The following NRXN3 variants were observed in gnomAD, a reference collection of about 807,000 sequenced individuals.
The protein encoded by NRXN3 is neurexin 3.
NRXN3 carries 32 observed loss-of-function variants against 137.6 expected under a neutral mutation model. The ratio of observed to expected loss-of-function variants is 0.23; its 90% CI spans 0.18 to 0.31. The LOEUF is 0.31. Among genes scored for constraint, NRXN3 ranks in the 10% least tolerant of loss-of-function variants. NRXN3 has a pLI of 1.00. For missense variants in NRXN3, 1,574 were observed against 2,062.5 expected, an observed-to-expected ratio of 0.76 and a Z score of 4.59; for synonymous variants, 798 against 784.5, an observed-to-expected ratio of 1.02 and a Z score of -0.29.
chr14:79,379,653 A>G (rs2094408579), intron 15 of NRXN3, among the ~76,000 whole-genome samples: 1 of 152,116 alleles, frequency 6.6e-6, no homozygotes, highest in Admixed American at 6.6e-5. Flanking sequence ...CACTGATGTC[A>G]GCTCTCACCA....
intron 6 of NRXN3, among the ~76,000 whole-genome samples, chr14:78,706,024 T>G (rs2098343728): frequency 6.6e-6 from 1 of 152,094 alleles, no homozygotes; most frequent in Non-Finnish European, 1.5e-5. Context: ...CTCTTGTATC[T>G]TGTTAAAAGG....
At chr14:78,632,132 A>T (rs1264431436) in intron 4 of NRXN3, among the ~76,000 whole-genome samples, 1 of 150,528 alleles carries the variant, frequency 6.6e-6, no homozygotes, top group Non-Finnish European at 1.5e-5. Flanking sequence ...AAAAAAAAAA[A>T]GTGGATTTCC....
chr14:79,238,410 C>T (rs1385057785), intron 15 of NRXN3, among the ~76,000 whole-genome samples: 1 of 152,002 alleles, frequency 6.6e-6, no homozygotes, highest in Non-Finnish European at 1.5e-5. Flanking sequence ...ATGTGAGGCA[C>T]TTGAGGAGTG....
At chr14:78,757,409 T>TAAAGAA (rs560707392) in intron 8 of NRXN3, among the ~76,000 whole-genome samples, 1 of 138,582 alleles carries the variant, frequency 7.2e-6, no homozygotes, top group Non-Finnish European at 1.5e-5. Context: ...TTCCATCTCT[T>TAAAGAA]AAAAAAAAAA....
rs190462117 is a variant in NRXN3, at chr14:79,579,865, A to G, written c.3445-83913A>G. 2.0e-5 allele frequency among the ~76,000 whole-genome samples: 3 copies of G among 152,272 alleles called. No individual in the cohort carries two copies. The East Asian group carries it at 5.8e-4, about 29-fold the overall frequency. The stretch of plus-strand genomic sequence containing the variant: ...CTAACTATAGTCACCCTACTCTGCT[A>G]TCAAACATTAGAACTTAAACCTTCT... On this transcript the variant is annotated intron_variant, in intron 16 of 20. Coordinates refer to ENST00000335750, the MANE Select transcript of NRXN3 (RefSeq NM_001330195.2).
chr14:78,632,954 G>A (rs941038541), intron 4 of NRXN3, among the ~76,000 whole-genome samples: 7 of 152,028 alleles, frequency 4.6e-5, no homozygotes, highest in African/African-American at 1.2e-4. Context: ...GGTAATAGTC[G>A]GCTGGGCGTA....
At chr14:79,004,640 T>C (rs1485410746) in intron 15 of NRXN3, among the ~76,000 whole-genome samples, 1 of 152,162 alleles carries the variant, frequency 6.6e-6, no homozygotes, top group Non-Finnish European at 1.5e-5. Context: ...CACACTGTTG[T>C]TTGATGGTAT....
chr14:78,688,567 T>C (rs909719523), intron 6 of NRXN3, among the ~76,000 whole-genome samples: 3 of 152,060 alleles, frequency 2.0e-5, no homozygotes. Flanking sequence ...TTGGAAGAGT[T>C]TTGCTGTAAT....
intron 4 of NRXN3, among the ~76,000 whole-genome samples, chr14:78,479,935 A>C (rs1268904890): frequency 6.6e-6 from 1 of 152,102 alleles, no homozygotes; most frequent in Non-Finnish European, 1.5e-5. Context: ...ACCTGAGGTC[A>C]GGAGTTTAAG....
At chr14:78,983,941 A>T (rs973222775) in intron 14 of NRXN3, among the ~76,000 whole-genome samples, 1 of 152,188 alleles carries the variant, frequency 6.6e-6, no homozygotes, top group Middle Eastern at 3.4e-3. Flanking sequence ...GGAGGATATT[A>T]TGCCAAGTGA....
At chr14:79,185,285 T>C (rs1267159065) in intron 15 of NRXN3, among the ~76,000 whole-genome samples, 1 of 152,158 alleles carries the variant, frequency 6.6e-6, no homozygotes, top group Non-Finnish European at 1.5e-5. Context: ...CTCATCTTCT[T>C]CATGTGAAAT....
intron 4 of NRXN3, among the ~76,000 whole-genome samples, chr14:78,436,300 C>T: frequency 6.6e-6 from 1 of 152,302 alleles, no homozygotes; most frequent in East Asian, 1.9e-4. Flanking sequence ...ATAATAAACA[C>T]ATACATTTTT....
At chr14:79,741,372 G>A (rs1400489459) in intron 19 of NRXN3, among the ~76,000 whole-genome samples, 1 of 152,074 alleles carries the variant, frequency 6.6e-6, no homozygotes, top group Non-Finnish European at 1.5e-5. Flanking sequence ...GTTATTAATA[G>A]AATTCAGCAT....
intron 6 of NRXN3, among the ~76,000 whole-genome samples, chr14:78,678,558 A>G (rs575673532): frequency 6.6e-6 from 1 of 152,260 alleles, no homozygotes; most frequent in African/African-American, 2.4e-5. Flanking sequence ...TTTACTAGGT[A>G]TTGCCAAATT....
intron 2 of NRXN3, among the ~76,000 whole-genome samples, chr14:78,251,822 T>C (rs1374691479): frequency 6.6e-6 from 1 of 152,132 alleles, no homozygotes; most frequent in African/African-American, 2.4e-5. Flanking sequence ...TCCTGAGGGT[T>C]TTTTCCCTGC....
chr14:79,162,855 A>T (rs915978544), intron 15 of NRXN3, among the ~76,000 whole-genome samples: 5 of 151,570 alleles, frequency 3.3e-5, no homozygotes, highest in Non-Finnish European at 5.9e-5. Flanking sequence ...TCCCCTTTCC[A>T]TCACTATTTT....
intron 1 of NRXN3, among the ~76,000 whole-genome samples, chr14:78,230,328 GTCTCTCTC>G (rs112795410): frequency 2.7e-5 from 4 of 148,818 alleles, no homozygotes; most frequent in South Asian, 2.2e-4. Flanking sequence ...GTCTCTGTCT[GTCTCTCTC>G]TCTCTCTCTC....
chr14:79,575,833 T>C (rs1254102374), intron 16 of NRXN3, among the ~76,000 whole-genome samples: 1 of 152,228 alleles, frequency 6.6e-6, no homozygotes, highest in African/African-American at 2.4e-5. Flanking sequence ...ATATTTTCAA[T>C]CAATCATGCA....
chr14:78,499,131 C>T (rs1378245222), intron 4 of NRXN3, among the ~76,000 whole-genome samples: 1 of 151,474 alleles, frequency 6.6e-6, no homozygotes, highest in Non-Finnish European at 1.5e-5. Context: ...TATTATTTCT[C>T]TTTCTCCTCC....
Sources: allele counts gnomAD v4.1 joint callset (sites outside exome capture counted in the v4.1 genomes callset), GRCh38; gene constraint gnomAD v4.1.1; transcripts MANE v1.5; gene names NCBI Gene and HGNC (gene_info 2026-07-23, HGNC 2026-07-21).